OPA3: variants seen among roughly 807,000 people sequenced by gnomAD.
OPA3 encodes the protein optic atrophy 3 protein.
A neutral mutation model predicts 4.0 loss-of-function variants in OPA3; 6 were observed. The ratio of observed to expected loss-of-function variants is 1.51; its 90% CI spans 0.83 to 2.99. OPA3 has a LOEUF of 2.99. Ranked by LOEUF, OPA3 falls within the 30% of genes most tolerant of loss-of-function variation. The pLI, the probability that OPA3 is intolerant of heterozygous loss-of-function variation, is 0.00. For synonymous variants in OPA3, 105 were observed against 117.1 expected (o/e 0.90, Z 0.67); for missense variants, 235 against 256.2 (o/e 0.92, Z 0.56).
chr19:45,574,725 C>T (rs978538651), intron 1 of OPA3, among the ~76,000 whole-genome samples: 1 of 152,220 alleles, frequency 6.6e-6, no homozygotes, highest in Non-Finnish European at 1.5e-5. Flanking sequence ...TTCCCACACC[C>T]ACTGTGGTCT....
intron 1 of OPA3, among the ~76,000 whole-genome samples, chr19:45,536,763 A>G (rs1969123370): frequency 6.6e-6 from 1 of 152,206 alleles, no homozygotes. Flanking sequence ...TTGTGACGAA[A>G]GTGACACTGT....
In OPA3 at chr19:45,548,335, C is replaced by T. The variant is rs1036190955; in HGVS notation, c.*5179G>A. ...TCCCTCCAGGCAATGGCCTGCCCTA[C>T]AGAGAAACCAACAAGAGGGACAGCA... On this transcript the variant is annotated 3_prime_UTR_variant, in exon 2 of 2. Transcript: ENST00000263275. The T allele has an allele frequency of 2.0e-6, 2 of 985,540 alleles. No individual in the cohort carries two copies. Among genetic ancestry groups the T allele is most frequent in the South Asian group, 9.4e-5 (2 of 21,292 alleles). The allele number at this position is 985,540 out of a possible 1,614,324, so 61.0% of individuals were successfully genotyped here. A position where few individuals can be genotyped will look rare whatever the true frequency, so the allele number is the denominator to read the frequency against.
At chr19:45,571,188 G>A (rs1345397221) in intron 1 of OPA3, among the ~76,000 whole-genome samples, 1 of 151,906 alleles carries the variant, frequency 6.6e-6, no homozygotes, top group Non-Finnish European at 1.5e-5. Flanking sequence ...CTGTCGCCCA[G>A]GCTGGAGTGC....
Position 45,553,891 on chromosome 19 carries a change from G to T in OPA3, c.163C>A (p.Arg55=), listed in dbSNP as rs748653611. 8.1e-6 allele frequency: 13 copies of T among 1,609,024 alleles called. No individual in the cohort carries two copies. The highest frequency in any genetic ancestry group is 1.1e-5 in the Non-Finnish European group (13 of 1,176,398). ...PAQLYHWVEM[R]TKMRIMGFRG... The stretch of plus-strand genomic sequence containing the variant: ...AAGCCCATGATGCGCATCTTGGTCC[G>T]CATCTCCACCCAGTGATACACTGCG... Residue 55 remains arginine, a synonymous_variant, in exon 2 of 2, where the codon CGG becomes AGG. Coordinates refer to ENST00000263275, the MANE Select transcript of OPA3 (RefSeq NM_025136.4).
intron 1 of OPA3, among the ~76,000 whole-genome samples, chr19:45,577,810 C>T (rs1568411128): frequency 6.6e-6 from 1 of 151,874 alleles, no homozygotes; most frequent in Non-Finnish European, 1.5e-5. Flanking sequence ...TGAATCCAAT[C>T]GGGGAAGCAA....
intron 1 of OPA3, among the ~76,000 whole-genome samples, chr19:45,569,372 T>C (rs951611295): frequency 1.3e-5 from 2 of 152,028 alleles, no homozygotes; most frequent in Non-Finnish European, 2.9e-5. Context: ...AGCAGAAGAA[T>C]CACTTGAACC....
chr19:45,528,631 A>T, exon 2 of OPA3: 1 of 189,584 alleles, frequency 5.3e-6, no homozygotes, highest in Non-Finnish European at 1.1e-5. Context: ...GGAAGGGTCC[A>T]CTCAGGTGAG....
At chr19:45,581,429 T>G (rs190974940) in intron 1 of OPA3, among the ~76,000 whole-genome samples, 70 of 152,278 alleles carry the variant, frequency 4.6e-4, no homozygotes, top group African/African-American at 1.6e-3. Context: ...AATTCAGATG[T>G]CTCCTCTGCC....
chr19:45,574,115 T>C (rs540460557), intron 1 of OPA3, among the ~76,000 whole-genome samples: 31 of 147,604 alleles, frequency 2.1e-4, no homozygotes, highest in Non-Finnish European at 3.0e-4. Flanking sequence ...CAAAGGGGGC[T>C]GGGCGCAGTG....
Position 45,548,736 on chromosome 19 carries a change from G to A in OPA3, c.*4778C>T, listed in dbSNP as rs187663486. 130 of 981,906 alleles carry A rather than the reference G, an allele frequency of 1.3e-4. No homozygotes were observed. The African/African-American group carries it at 2.2e-3, about 16-fold the overall frequency. 60.8% of individuals were successfully genotyped at this position (981,906 alleles called of 1,614,324 possible). A position where few individuals can be genotyped will look rare whatever the true frequency, so the allele number is the denominator to read the frequency against. ...TCCCGGTGCGGGACCACCTCAGTGA[G>A]TTTTTTGAGTGAAAGAATAAATAAA... On this transcript the variant is annotated 3_prime_UTR_variant, in exon 2 of 2. Coordinates refer to ENST00000263275, the MANE Select transcript of OPA3 (RefSeq NM_025136.4).
intron 1 of OPA3, among the ~76,000 whole-genome samples, chr19:45,538,283 T>C (rs1039324108): frequency 2.0e-5 from 3 of 151,786 alleles, no homozygotes; most frequent in African/African-American, 7.3e-5. Context: ...TAGCTGGGTG[T>C]GGTGGTGTAT....
chr19:45,553,141 T>C lies in OPA3; in HGVS notation c.*373A>G. 1 of 1,198,340 alleles carries C rather than the reference T, an allele frequency of 8.3e-7. No individual in the cohort carries two copies. The highest frequency in any genetic ancestry group is 1.0e-6 in the Non-Finnish European group (1 of 957,008). 74.2% of individuals were successfully genotyped at this position (1,198,340 alleles called of 1,614,324 possible). On this transcript the variant is annotated 3_prime_UTR_variant, in exon 2 of 2. Coordinates refer to ENST00000263275, the MANE Select transcript of OPA3 (RefSeq NM_025136.4). ...CCAGTGTAACAGATGAGTGTCCCAG[T>C]AAAGGTTAACACTGATCAGGTAAAC...
downstream of OPA3, among the ~76,000 whole-genome samples, chr19:45,543,168 CCTGA>C (rs1969206566): frequency 6.6e-6 from 1 of 151,864 alleles, no homozygotes. Context: ...TGACACCATG[CCTGA>C]CTAACTTTTG....
At chr19:45,529,244 T>A (rs1477085576) in exon 2 of OPA3, 1 of 1,613,464 alleles carries the variant, frequency 6.2e-7, no homozygotes. Context: ...AGCGCCTCCC[T>A]GGCAACACGT....
intron 1 of OPA3, among the ~76,000 whole-genome samples, chr19:45,554,572 GCTT>G (rs1275057850): frequency 1.3e-5 from 2 of 152,154 alleles, no homozygotes; most frequent in Non-Finnish European, 2.9e-5. Flanking sequence ...TTGCCTAGCT[GCTT>G]CTTTATGAAG....
rs1599961148 is a variant in OPA3, at chr19:45,551,767, T to C, written c.*1747A>G. 1 of 985,110 alleles carries C rather than the reference T, an allele frequency of 1.0e-6. No homozygotes were observed. The highest frequency in any genetic ancestry group is 6.2e-5 in the Admixed American group (1 of 16,208). The allele number at this position is 985,110 out of a possible 1,614,324, so 61.0% of individuals were successfully genotyped here. A position where few individuals can be genotyped will look rare whatever the true frequency, so the allele number is the denominator to read the frequency against. On this transcript the variant is annotated 3_prime_UTR_variant, in exon 2 of 2. Transcript: ENST00000263275. Reference sequence around the variant, plus strand: ...ACCGGGGGCTATGGAGGCAGGAGGGTACTGCTACATGAAGACAGGCTGTCG... The same window carrying C: ...ACCGGGGGCTATGGAGGCAGGAGGGCACTGCTACATGAAGACAGGCTGTCG...
rs1969362309 is a variant in OPA3, at chr19:45,553,182, C to T, written c.*332G>A. On this transcript the variant is annotated 3_prime_UTR_variant, in exon 2 of 2. Coordinates refer to ENST00000263275, the MANE Select transcript of OPA3 (RefSeq NM_025136.4). ...TCAGGTAAACCGGGGGTGGGGGTAA[C>T]AATAACACATTGATTCAGCTCAAGA... 1 of 1,312,046 alleles carries T rather than the reference C, an allele frequency of 7.6e-7. No homozygotes were observed. The highest frequency in any genetic ancestry group is 9.8e-7 in the Non-Finnish European group (1 of 1,023,618). The allele number at this position is 1,312,046 out of a possible 1,614,324, so 81.3% of individuals were successfully genotyped here.
chr19:45,579,094 T>A (rs184994159), intron 1 of OPA3, among the ~76,000 whole-genome samples: 12 of 152,246 alleles, frequency 7.9e-5, no homozygotes, highest in Non-Finnish European at 1.3e-4. Context: ...GTTCCCTCCC[T>A]CCTTGGCATA....
intron 1 of OPA3, among the ~76,000 whole-genome samples, chr19:45,571,662 T>G (rs972056323): frequency 3.3e-5 from 5 of 152,292 alleles, no homozygotes; most frequent in Admixed American, 3.3e-4. Context: ...CGTGTGAGAA[T>G]GTACTCTAGA....
Sources: gnomAD v4.1 joint callset for allele counts (sites outside exome capture counted in the v4.1 genomes callset) on GRCh38, gnomAD v4.1.1 for gene constraint, MANE v1.5 for transcripts, NCBI Gene and HGNC (gene_info 2026-07-23, HGNC 2026-07-21) for gene names.